The following KAT6A variants were observed in gnomAD, a reference collection of about 807,000 sequenced individuals.
The protein encoded by KAT6A is lysine acetyltransferase 6A, also known as histone acetyltransferase KAT6A.
Under a neutral mutation model 198.4 loss-of-function variants are expected in KAT6A, and 9 were observed. The ratio of observed to expected loss-of-function variants is 0.05; its 90% CI spans 0.03 to 0.08. KAT6A has a LOEUF of 0.08. Ranked by LOEUF, KAT6A falls within the 10% of genes least tolerant of loss-of-function variation. The pLI is 1.00. For synonymous variants in KAT6A, 890 were observed against 883.0 expected (o/e 1.01, Z -0.14); for missense variants, 2,077 against 2,509.9 (o/e 0.83, Z 3.69).
At chr8:41,960,724 C>G (rs1383516285) in intron 8 of KAT6A, among the ~76,000 whole-genome samples, 1 of 152,068 alleles carries the variant, frequency 6.6e-6, no homozygotes, top group East Asian at 1.9e-4. Flanking sequence ...TTGACAAAAT[C>G]TAGAATTCTG....
At chr8:41,944,732 C>A (rs1822294090) in intron 12 of KAT6A, among the ~76,000 whole-genome samples, 2 of 152,076 alleles carry the variant, frequency 1.3e-5, no homozygotes, top group Admixed American at 1.3e-4. Context: ...ACACACACAC[C>A]CCCAATCACC....
At chr8:41,980,709 G>T in intron 5 of KAT6A, 137 bp downstream of exon 5, 1 of 685,070 alleles carries the variant, frequency 1.5e-6, no homozygotes, top group East Asian at 2.6e-5. Flanking sequence ...ACCTTTTAAG[G>T]TGACAGTTCT....
At chr8:41,981,020 A>G (rs1015275684) in intron 4 of KAT6A, 93 bp from the exon 5 acceptor site, 6 of 908,152 alleles carry the variant, frequency 6.6e-6, no homozygotes, top group Admixed American at 5.4e-5. Context: ...AGCTTCAGGG[A>G]TCTTAAAAAA....
chr8:41,948,661 T>C (rs1564016388), intron 10 of KAT6A, among the ~76,000 whole-genome samples: 1 of 152,256 alleles, frequency 6.6e-6, no homozygotes, highest in South Asian at 2.1e-4. Flanking sequence ...AAACAGTATA[T>C]ACCACACCTA....
rs530592493 is a variant in KAT6A at position 42,023,742 on chromosome 8, C to T, written c.600+24636G>A. Among the ~76,000 whole-genome samples the T allele has an allele frequency of 1.1e-4, 17 of 151,904 alleles. No individual in the cohort carries two copies. In the South Asian group the frequency reaches 3.5e-3, roughly 32 times the overall value. On this transcript the variant is annotated intron_variant, in intron 2 of 16. Coordinates refer to ENST00000265713, the MANE Select transcript of KAT6A (RefSeq NM_006766.5). ...GCTCCAGTGATCCACCTGCCTTGGC[C>T]TCCCAAACTGCTGCGACTACAGGTG...
At chr8:41,979,011 T>C (rs1330683284) in intron 5 of KAT6A, among the ~76,000 whole-genome samples, 1 of 152,238 alleles carries the variant, frequency 6.6e-6, no homozygotes, top group African/African-American at 2.4e-5. Context: ...GTCCACTGAC[T>C]GCACTTGAAG....
At chr8:42,031,209 T>C (rs1827106113) in intron 2 of KAT6A, among the ~76,000 whole-genome samples, 1 of 152,210 alleles carries the variant, frequency 6.6e-6, no homozygotes, top group African/African-American at 2.4e-5. Context: ...CTCGTTTTTG[T>C]ACTTTTTGAA....
At chr8:42,029,645 C>T (rs1207160137) in intron 2 of KAT6A, among the ~76,000 whole-genome samples, 1 of 150,016 alleles carries the variant, frequency 6.7e-6, no homozygotes, top group Non-Finnish European at 1.5e-5. Flanking sequence ...GTTCAAGAGA[C>T]AGGGGTCTCA....
intron 3 of KAT6A, among the ~76,000 whole-genome samples, chr8:41,983,369 T>C (rs999091223): frequency 1.3e-5 from 2 of 152,340 alleles, no homozygotes. Flanking sequence ...CACAATCCTA[T>C]CATCCTAGAA....
At chr8:42,035,667 C>G (rs1304335058) in intron 2 of KAT6A, among the ~76,000 whole-genome samples, 3 of 152,200 alleles carry the variant, frequency 2.0e-5, no homozygotes, top group Non-Finnish European at 4.4e-5. Context: ...CTAAATGCAG[C>G]TGAGAACTCA....
chr8:42,026,517 TGA>T (rs962991842), intron 2 of KAT6A, among the ~76,000 whole-genome samples: 10 of 152,214 alleles, frequency 6.6e-5, no homozygotes, highest in African/African-American at 2.4e-4. Context: ...AGGTTTTGTG[TGA>T]TTGTCTTGGT....
At chr8:42,020,328 G>A (rs1467129508) in intron 2 of KAT6A, among the ~76,000 whole-genome samples, 2 of 152,132 alleles carry the variant, frequency 1.3e-5, no homozygotes, top group African/African-American at 4.8e-5. Context: ...ATTCTAGACT[G>A]ATATCCAATG....
rs1821518870 is a variant in KAT6A at position 41,931,093 on chromosome 8, G to A, written c.*1112C>T. ...CAACATAAAATAAACTGTTTCAATG[G>A]TTTGTCAGTTATTTTTCAAATCACT... On this transcript the variant is annotated 3_prime_UTR_variant, in exon 17 of 17. Coordinates refer to ENST00000265713, the MANE Select transcript of KAT6A (RefSeq NM_006766.5). 4.5e-6 allele frequency: 1 copy of A among 221,382 alleles called. No homozygotes were observed. The highest frequency in any genetic ancestry group is 9.0e-6 in the Non-Finnish European group (1 of 110,590). The allele number at this position is 221,382 out of a possible 1,614,324, so 13.7% of individuals were successfully genotyped here.
chr8:42,025,694 A>C (rs1305154456), intron 2 of KAT6A, among the ~76,000 whole-genome samples: 2 of 152,174 alleles, frequency 1.3e-5, no homozygotes, highest in African/African-American at 4.8e-5. Flanking sequence ...ATTTTCTCCC[A>C]ATCTACAGGT....
intron 10 of KAT6A, among the ~76,000 whole-genome samples, chr8:41,948,482 G>C (rs1822506551): frequency 6.6e-6 from 1 of 152,108 alleles, no homozygotes; most frequent in African/African-American, 2.4e-5. Flanking sequence ...AGGTTGGCCA[G>C]GCCCAGGAGC....
rs573582727 is a variant in KAT6A at position 42,025,232 on chromosome 8, A to G, written c.600+23146T>C. 7.9e-5 allele frequency among the ~76,000 whole-genome samples: 12 copies of G among 151,564 alleles called. No homozygotes were observed. In the South Asian group the frequency reaches 2.3e-3, roughly 29 times the overall value. On this transcript the variant is annotated intron_variant, in intron 2 of 16. Transcript: ENST00000265713. Reference sequence around the variant, plus strand: ...TTTTTTGTTTTGTTTTGTTTTTGAGATGGAGTTTCCCTCTTGTTGCCCAGG... The same window carrying G: ...TTTTTTGTTTTGTTTTGTTTTTGAGGTGGAGTTTCCCTCTTGTTGCCCAGG...
chr8:41,949,896 T>C (rs1046106715), intron 9 of KAT6A, among the ~76,000 whole-genome samples: 1 of 152,224 alleles, frequency 6.6e-6, no homozygotes, highest in African/African-American at 2.4e-5. Context: ...ACAATGTGCA[T>C]TAATTCTTCC....
At chr8:42,040,604 G>A (rs1199691181) in intron 2 of KAT6A, among the ~76,000 whole-genome samples, 3 of 151,468 alleles carry the variant, frequency 2.0e-5, no homozygotes, top group Non-Finnish European at 4.4e-5. Flanking sequence ...GCGTGGTGGC[G>A]GGTGCATGTA....
chr8:42,050,917 G>A (rs562278767), intron 1 of KAT6A, among the ~76,000 whole-genome samples: 16 of 152,270 alleles, frequency 1.1e-4, no homozygotes, highest in African/African-American at 3.6e-4. Flanking sequence ...AGCGGCTAGA[G>A]CGAGCGCAAC....
Sources: gnomAD v4.1 joint callset for allele counts (sites outside exome capture counted in the v4.1 genomes callset) on GRCh38, gnomAD v4.1.1 for gene constraint, MANE v1.5 for transcripts, NCBI Gene and HGNC (gene_info 2026-07-23, HGNC 2026-07-21) for gene names.